TNR: variants seen among roughly 807,000 people sequenced by gnomAD.
TNR encodes tenascin R.
Under a neutral mutation model 150.4 loss-of-function variants are expected in TNR, and 45 were observed. That is an observed-to-expected ratio of 0.30 (90% confidence interval 0.24 to 0.38). The LOEUF (loss-of-function observed/expected upper bound fraction) is 0.38, where lower values mean the gene tolerates loss of function less well. TNR is among the 10% of genes least tolerant of loss of function. The pLI, the probability that TNR is intolerant of heterozygous loss-of-function variation, is 1.00. For synonymous variants in TNR, 687 were observed against 678.4 expected (o/e 1.01, Z -0.20); for missense variants, 1,544 against 1,759.1 (o/e 0.88, Z 2.19).
intron 2 of TNR, among the ~76,000 whole-genome samples, chr1:175,439,828 C>G (rs1180015557): frequency 6.6e-6 from 1 of 152,146 alleles, no homozygotes; most frequent in African/African-American, 2.4e-5. Context: ...TAATGAGATA[C>G]CATCTCACAC....
chr1:175,719,813 C>T (rs1036199376), intron 1 of TNR, among the ~76,000 whole-genome samples: 1 of 152,212 alleles, frequency 6.6e-6, no homozygotes, highest in Non-Finnish European at 1.5e-5. Context: ...TAATACCCTC[C>T]CCATTCTTCA....
intron 1 of TNR, among the ~76,000 whole-genome samples, chr1:175,577,942 C>G (rs928438678): frequency 6.6e-6 from 1 of 152,264 alleles, no homozygotes; most frequent in East Asian, 1.9e-4. Context: ...TGACCTTGAG[C>G]GAGTTATTTC....
chr1:175,339,523 G>A (rs1365628680), intron 18 of TNR, among the ~76,000 whole-genome samples: 1 of 152,180 alleles, frequency 6.6e-6, no homozygotes, highest in African/African-American at 2.4e-5. Context: ...CTTCCCTGCT[G>A]ATTTGGGAGC....
chr1:175,325,440 C>T (rs917371784), intron 21 of TNR, among the ~76,000 whole-genome samples: 4 of 152,166 alleles, frequency 2.6e-5, no homozygotes, highest in African/African-American at 9.7e-5. Context: ...CTAGTTCAAC[C>T]ATTGTGGAAG....
At chr1:175,672,933 C>G (rs1665746722) in intron 1 of TNR, among the ~76,000 whole-genome samples, 1 of 152,174 alleles carries the variant, frequency 6.6e-6, no homozygotes, top group South Asian at 2.1e-4. Context: ...TGTCTCTGCT[C>G]ATTCCTCTGC....
chr1:175,507,478 G>A (rs1003866491), intron 2 of TNR, among the ~76,000 whole-genome samples: 4 of 152,098 alleles, frequency 2.6e-5, no homozygotes, highest in African/African-American at 7.2e-5. Flanking sequence ...CGGAGTCCCA[G>A]AGTCTCCCTG....
intron 20 of TNR, among the ~76,000 whole-genome samples, chr1:175,331,692 T>C (rs1367085324): frequency 1.3e-5 from 2 of 152,258 alleles, no homozygotes; most frequent in Non-Finnish European, 2.9e-5. Flanking sequence ...CTCTGAGTCC[T>C]AATTTTTATC....
chr1:175,393,585 T>C (rs780875096), intron 6 of TNR, among the ~76,000 whole-genome samples, 195 bp downstream of exon 6: 1 of 152,210 alleles, frequency 6.6e-6, no homozygotes, highest in Non-Finnish European at 1.5e-5. Flanking sequence ...TCAGGGCTAC[T>C]CTTGTCAGCA....
chr1:175,430,033 TATATA>T (rs1449127045), intron 2 of TNR, among the ~76,000 whole-genome samples: 16 of 150,162 alleles, frequency 1.1e-4, no homozygotes, highest in South Asian at 1.0e-3. Context: ...TTATATCTAT[TATATA>T]ATATATCTAT....
At chr1:175,545,810 G>A (rs373860758) in intron 1 of TNR, among the ~76,000 whole-genome samples, 8 of 152,166 alleles carry the variant, frequency 5.3e-5, no homozygotes, top group South Asian at 2.1e-4. Flanking sequence ...TTCAGAGAGC[G>A]GGTCCTTCAC....
chr1:175,437,608 C>G (rs1423115723), intron 2 of TNR, among the ~76,000 whole-genome samples: 4 of 152,074 alleles, frequency 2.6e-5, no homozygotes, highest in Admixed American at 6.5e-5. Flanking sequence ...TTGAAAAGAT[C>G]AACAAAATTG....
At chr1:175,611,163 CA>C (rs533390858) in intron 1 of TNR, among the ~76,000 whole-genome samples, 64 of 152,286 alleles carry the variant, frequency 4.2e-4, no homozygotes, top group Middle Eastern at 6.8e-3. Flanking sequence ...CCCGTTCCTT[CA>C]TTTGGGAAGA....
intron 2 of TNR, among the ~76,000 whole-genome samples, chr1:175,478,016 C>A (rs536036230): frequency 6.6e-6 from 1 of 152,088 alleles, no homozygotes; most frequent in Non-Finnish European, 1.5e-5. Flanking sequence ...ACTTGCTGGG[C>A]GCTCAAAGAA....
chr1:175,711,365 C>T (rs1301598971), intron 1 of TNR, among the ~76,000 whole-genome samples: 4 of 151,872 alleles, frequency 2.6e-5, no homozygotes, highest in Non-Finnish European at 5.9e-5. Context: ...AAGCCCTAGG[C>T]AGGAGCATGC....
Position 175,403,520 on chromosome 1 carries a change from C to A in TNR, c.596G>T (p.Cys199Phe). The A allele has an allele frequency of 6.2e-7, 1 of 1,614,222 alleles. No individual in the cohort carries two copies. Among genetic ancestry groups the A allele is most frequent in the Non-Finnish European group, 8.5e-7 (1 of 1,180,036 alleles). ...ACCCAGCGGGCAGTAGGGCTCCGAG[C>A]AATTCTTGCCAAACCAGCCTTCGTT... ...ICNEGWFGKN[C>F]SEPYCPLGCS... is the part of the protein sequence containing the mutation. Residue 199 changes from cysteine (C) to phenylalanine (F), a missense_variant, in exon 4 of 23, where the codon TGC (cysteine) becomes TTC (phenylalanine). Cys to Phe is a radical substitution (Grantham distance 205, BLOSUM62 -2). Transcript: ENST00000367674.
chr1:175,713,231 G>A (rs1667065918), intron 1 of TNR, among the ~76,000 whole-genome samples: 2 of 152,216 alleles, frequency 1.3e-5, no homozygotes, highest in South Asian at 4.1e-4. Context: ...TAAGAATCAA[G>A]TCTTGTAATT....
chr1:175,535,523 C>A (rs935238691), intron 1 of TNR, among the ~76,000 whole-genome samples: 2 of 151,818 alleles, frequency 1.3e-5, no homozygotes, highest in African/African-American at 4.8e-5. Context: ...TGCAGTGGCG[C>A]GATCTCGGCT....
chr1:175,362,625 C>T (rs373577479), intron 14 of TNR, 38 bp downstream of exon 14: 74 of 1,598,016 alleles, frequency 4.6e-5, no homozygotes, highest in Non-Finnish European at 6.2e-5. Flanking sequence ...GATCTTCAGC[C>T]AGGGTTCTGA....
intron 2 of TNR, among the ~76,000 whole-genome samples, chr1:175,512,964 A>G (rs1659252146): frequency 6.6e-6 from 1 of 152,220 alleles, no homozygotes. Flanking sequence ...GGACCAAGGC[A>G]TCAGCCATTT....
Sources: allele counts gnomAD v4.1 joint callset (sites outside exome capture counted in the v4.1 genomes callset), GRCh38; gene constraint gnomAD v4.1.1; transcripts MANE v1.5; gene names NCBI Gene and HGNC (gene_info 2026-07-23, HGNC 2026-07-21).